The following FAM81A variants were observed in gnomAD, a reference collection of about 807,000 sequenced individuals.
FAM81A encodes the protein family with sequence similarity 81 member A.
A neutral mutation model predicts 46.7 loss-of-function variants in FAM81A; 19 were observed. The ratio of observed to expected loss-of-function variants is 0.41; its 90% confidence interval spans 0.28 to 0.60. The LOEUF is 0.60. Among genes scored for constraint, FAM81A ranks in the 20% least tolerant of loss-of-function variants. FAM81A has a pLI of 0.34. For synonymous variants in FAM81A, 183 were observed against 152.9 expected (o/e 1.20, Z -1.45); for missense variants, 377 against 453.5 (o/e 0.83, Z 1.53).
At chr15:59,506,192 T>C (rs1311406867) in intron 4 of FAM81A, among the ~76,000 whole-genome samples, 1 of 152,130 alleles carries the variant, frequency 6.6e-6, no homozygotes. Context: ...TTTTATCTTT[T>C]TGTAGACACA....
chr15:59,468,838 C>T (rs942826770), intron 3 of FAM81A, among the ~76,000 whole-genome samples: 2 of 152,146 alleles, frequency 1.3e-5, no homozygotes, highest in African/African-American at 4.8e-5. Flanking sequence ...CCTGCTTTCT[C>T]TTGTGGGCAT....
chr15:59,415,843 C>T (rs1303257720), intron 2 of FAM81A, among the ~76,000 whole-genome samples: 1 of 152,134 alleles, frequency 6.6e-6, no homozygotes, highest in East Asian at 1.9e-4. Context: ...TCTCCTATAC[C>T]TCTTGCTACT....
chr15:59,463,781 C>G (rs1280426745), intron 3 of FAM81A, among the ~76,000 whole-genome samples: 1 of 151,940 alleles, frequency 6.6e-6, no homozygotes, highest in African/African-American at 2.4e-5. Flanking sequence ...GTTCAAGGAA[C>G]CAACTTTTGG....
At chr15:59,502,733 G>A (rs2141799946) in intron 4 of FAM81A, among the ~76,000 whole-genome samples, 1 of 151,862 alleles carries the variant, frequency 6.6e-6, no homozygotes, top group Admixed American at 6.6e-5. Context: ...TGTAGGCCAG[G>A]CTGGTCTCGA....
At chr15:59,473,456 A>G (rs777135923) in intron 3 of FAM81A, among the ~76,000 whole-genome samples, 1 of 152,230 alleles carries the variant, frequency 6.6e-6, no homozygotes, top group East Asian at 1.9e-4. Context: ...AGTGTCAGGC[A>G]TCCACAGGAA....
chr15:59,433,698 A>G (rs2081230974), upstream of FAM81A, among the ~76,000 whole-genome samples: 1 of 152,254 alleles, frequency 6.6e-6, no homozygotes, highest in Admixed American at 6.5e-5. Flanking sequence ...AGCAACAAAG[A>G]AACCGATAAA....
chr15:59,446,122 G>A (rs1447397023), intron 1 of FAM81A, among the ~76,000 whole-genome samples: 3 of 152,242 alleles, frequency 2.0e-5, no homozygotes, highest in African/African-American at 7.2e-5. Flanking sequence ...GTGAAGAGGC[G>A]TCGTGTTAGG....
intron 2 of FAM81A, chr15:59,408,020 G>C: frequency 6.0e-6 from 1 of 165,548 alleles, no homozygotes; most frequent in Non-Finnish European, 1.3e-5. Context: ...TTTTGGGTTG[G>C]GTGTGCTGTC....
chr15:59,518,061 C>G (rs1421783176), intron 8 of FAM81A, among the ~76,000 whole-genome samples: 2 of 151,580 alleles, frequency 1.3e-5, no homozygotes, highest in Non-Finnish European at 2.9e-5. Flanking sequence ...CAACCTCTGC[C>G]TTCAGGGTAC....
intron 6 of FAM81A, among the ~76,000 whole-genome samples, chr15:59,509,883 C>T (rs1465487176): frequency 1.5e-4 from 23 of 151,962 alleles, no homozygotes. Context: ...GGGAGGTGGG[C>T]CAGCTCGCAG....
chr15:59,521,035 T>C (rs190177401), intron 8 of FAM81A, among the ~76,000 whole-genome samples: 2 of 152,302 alleles, frequency 1.3e-5, no homozygotes, highest in Non-Finnish European at 2.9e-5. Flanking sequence ...TATATGACAG[T>C]CTTCTCCATT....
Position 59,514,440 on chromosome 15 carries a change from T to G in FAM81A, c.786+16T>G. 6.2e-7 allele frequency: 1 copy of G among 1,606,562 alleles called. No homozygotes were observed. Among genetic ancestry groups the G allele is most frequent in the Non-Finnish European group, 8.5e-7 (1 of 1,177,624 alleles). ...GGAAAACAGTGTAGGTATTGATGTTTAGCAAAAATTTAGTAAAGTTATTCA... is the reference window on the plus strand; with the variant it reads ...GGAAAACAGTGTAGGTATTGATGTTGAGCAAAAATTTAGTAAAGTTATTCA... On this transcript the variant is annotated intron_variant, in intron 7 of 8. Transcript: ENST00000288228.
Position 59,497,180 on chromosome 15 carries a change from G to T in FAM81A, c.413+4791G>T, listed in dbSNP as rs530867223. On this transcript the variant is annotated intron_variant, in intron 4 of 8. Transcript: ENST00000288228. The stretch of plus-strand genomic sequence containing the variant: ...ATTTAGGATCAGGCTAGGCATGGCG[G>T]CTCACGCCTGTAATCCCAGCACTTT... Among the ~76,000 whole-genome samples, 3 of 151,666 alleles carry T rather than the reference G, an allele frequency of 2.0e-5. No homozygotes were observed. In the East Asian group the frequency reaches 5.9e-4, roughly 30 times the overall value.
chr15:59,432,775 G>A (rs991516617), intron 2 of FAM81A, among the ~76,000 whole-genome samples: 18 of 152,056 alleles, frequency 1.2e-4, no homozygotes, highest in African/African-American at 3.9e-4. Context: ...GGTGAGTGAG[G>A]CAAAATTTAA....
At chr15:59,518,093 C>G (rs1019120533) in intron 8 of FAM81A, among the ~76,000 whole-genome samples, 2 of 151,548 alleles carry the variant, frequency 1.3e-5, no homozygotes, top group East Asian at 1.9e-4. Flanking sequence ...CTGCCTCAGC[C>G]TCCTGAGTAG....
intron 5 of FAM81A, 43 bp downstream of exon 5, chr15:59,507,385 T>C: frequency 6.3e-7 from 1 of 1,596,332 alleles, no homozygotes; most frequent in African/African-American, 1.3e-5. Flanking sequence ...GGTAATTTGT[T>C]CTTAGCTAAG....
chr15:59,451,165 T>C (rs1375787202), intron 1 of FAM81A, among the ~76,000 whole-genome samples: 2 of 152,238 alleles, frequency 1.3e-5, no homozygotes, highest in African/African-American at 4.8e-5. Context: ...CTGACTTACC[T>C]AGTCTGGTTC....
At chr15:59,422,456 GTTTC>G (rs2081178263) in intron 2 of FAM81A, among the ~76,000 whole-genome samples, 1 of 151,794 alleles carries the variant, frequency 6.6e-6, no homozygotes, top group Non-Finnish European at 1.5e-5. Context: ...CCTCTATCTA[GTTTC>G]TTTCTTTTTA....
chr15:59,427,909 T>C (rs2081202219), intron 2 of FAM81A, among the ~76,000 whole-genome samples: 4 of 152,252 alleles, frequency 2.6e-5, no homozygotes, highest in Admixed American at 2.6e-4. Flanking sequence ...TCCTTTCTTT[T>C]GGGTATGTAT....
Sources: allele counts gnomAD v4.1 joint callset (sites outside exome capture counted in the v4.1 genomes callset), GRCh38; gene constraint gnomAD v4.1.1; transcripts MANE v1.5; gene names NCBI Gene and HGNC (gene_info 2026-07-23, HGNC 2026-07-21).